The following SPRR2B variants were observed in gnomAD, a reference collection of about 807,000 sequenced individuals.
SPRR2B encodes small proline-rich protein 2B.
SPRR2B carries 1 observed loss-of-function variant against 1.0 expected under a neutral mutation model. That is an observed-to-expected ratio of 1.01 (90% CI 0.36 to 4.77). The LOEUF is 4.77. Among genes scored for constraint, SPRR2B ranks in the 30% most tolerant of loss-of-function variants. The pLI is 0.16. For synonymous variants in SPRR2B, 27 were observed against 33.4 expected, an observed-to-expected ratio of 0.81 and a Z score of 0.66; for missense variants, 53 against 88.7, an observed-to-expected ratio of 0.60 and a Z score of 1.62.
chr1:153,080,794 T>C, the SPRR2B span, among the ~76,000 whole-genome samples: 1 of 152,172 alleles, frequency 6.6e-6, no homozygotes, highest in African/African-American at 2.4e-5. Context: ...CAAAAATTGA[T>C]CTAGTACATT....
chr1:153,086,690 G>A, the SPRR2B span, among the ~76,000 whole-genome samples: 1 of 152,152 alleles, frequency 6.6e-6, no homozygotes, highest in African/African-American at 2.4e-5. Context: ...AAAACTAACA[G>A]TGTTATTCAC....
At chr1:153,081,599 A>G in the SPRR2B span, among the ~76,000 whole-genome samples, 2 of 152,240 alleles carry the variant, frequency 1.3e-5, no homozygotes, top group Non-Finnish European at 2.9e-5. Flanking sequence ...CTATGTGAAG[A>G]TACAAAAATC....
upstream of SPRR2B, among the ~76,000 whole-genome samples, chr1:153,073,695 TCACACACACACA>T (rs4041380): frequency 8.5e-4 from 123 of 144,594 alleles, no homozygotes; most frequent in South Asian, 2.5e-3. Flanking sequence ...GAGGCATACT[TCACACACACACA>T]CACACACACA....
chr1:153,080,710 T>TA, the SPRR2B span, among the ~76,000 whole-genome samples: 4 of 152,010 alleles, frequency 2.6e-5, no homozygotes, highest in African/African-American at 7.2e-5. Flanking sequence ...ATAAACACTA[T>TA]AAAAAAATAC....
At chr1:153,072,135 A>G (rs371456314), upstream of SPRR2B, among the ~76,000 whole-genome samples, 1 of 152,164 alleles carries the variant, frequency 6.6e-6, no homozygotes, top group Non-Finnish European at 1.5e-5. Context: ...CAGTGACCAC[A>G]TTGTGCCATC....
the SPRR2B span, among the ~76,000 whole-genome samples, chr1:153,087,487 A>T: frequency 5.3e-5 from 8 of 152,142 alleles, no homozygotes; most frequent in African/African-American, 1.7e-4. Flanking sequence ...AAAATGATGA[A>T]CTAAGTAGAC....
Position 153,070,713 on chromosome 1 carries a change from G to A in SPRR2B, c.127C>T (p.Gln43Ter), listed in dbSNP as rs532387439. The change falls in exon 2 of 2, where the codon CAG (glutamine) becomes TAG (stop). Residue 43 changes from glutamine to a stop codon, truncating the protein, a stop_gained. Transcript: ENST00000368755. LOFTEE classifies it low-confidence loss of function (END_TRUNC). ...PEPCPPPKCP[Q>*]PCPPQQCQQK... ...TGGCACTGCTGAGGTGGGCAGGGCT[G>A]TGGACACTTTGGTGGTGGGCAGGGC... The A allele has an allele frequency of 1.7e-4, 267 of 1,610,322 alleles. No homozygotes were observed. Among genetic ancestry groups the A allele is most frequent in the Non-Finnish European group, 2.1e-4 (245 of 1,179,124 alleles).
At chr1:153,084,417 T>A in the SPRR2B span, among the ~76,000 whole-genome samples, 4 of 152,226 alleles carry the variant, frequency 2.6e-5, no homozygotes, top group African/African-American at 7.2e-5. Flanking sequence ...AACACTGCCA[T>A]GGGAGTGAAA....
At chr1:153,084,725 A>G in the SPRR2B span, among the ~76,000 whole-genome samples, 2 of 152,140 alleles carry the variant, frequency 1.3e-5, no homozygotes, top group Non-Finnish European at 2.9e-5. Flanking sequence ...CATACAAACA[A>G]GAATGGACCC....
At chr1:153,073,370 T>C (rs1654711024), upstream of SPRR2B, among the ~76,000 whole-genome samples, 1 of 152,180 alleles carries the variant, frequency 6.6e-6, no homozygotes, top group African/African-American at 2.4e-5. Context: ...TTTTCTGCCA[T>C]GCAAAATTGG....
chr1:153,085,880 A>T, the SPRR2B span, among the ~76,000 whole-genome samples: 1 of 152,216 alleles, frequency 6.6e-6, no homozygotes, highest in Non-Finnish European at 1.5e-5. Context: ...CCAATATACA[A>T]CATTCTTAGA....
rs748423915 is a variant in SPRR2B at position 153,070,299 on chromosome 1, G to C, written c.*322C>G. The C allele has an allele frequency of 1.3e-4, 65 of 483,372 alleles. No individual in the cohort carries two copies. The highest frequency in any genetic ancestry group is 2.1e-4 in the Non-Finnish European group (59 of 278,248). 29.9% of individuals were successfully genotyped at this position (483,372 alleles called of 1,614,324 possible). ...CACAGGTGGTAGAAGCTCATGCCCA[G>C]GTGAAAGACAGACACAGAACACATC... On this transcript the variant is annotated 3_prime_UTR_variant, in exon 2 of 2. Coordinates refer to ENST00000368755, the MANE Select transcript of SPRR2B (RefSeq NM_001388198.1).
chr1:153,086,576 T>C, the SPRR2B span, among the ~76,000 whole-genome samples: 1 of 152,150 alleles, frequency 6.6e-6, no homozygotes, highest in Non-Finnish European at 1.5e-5. Flanking sequence ...CCAGTAATTA[T>C]AGTGGGAGAC....
At position 153,070,413 on chromosome 1, in the gene SPRR2B, C is replaced by T; in HGVS notation, c.*208G>A. 2.0e-6 allele frequency: 2 copies of T among 977,266 alleles called. No homozygotes were observed. Among genetic ancestry groups the T allele is most frequent in the Non-Finnish European group, 1.5e-6 (1 of 680,264 alleles). 60.5% of individuals were successfully genotyped at this position (977,266 alleles called of 1,614,324 possible). ...CTGACAAAGCCAAGGTTCCTTTGCT[C>T]AGTCTCCACCTGGACAGTGGCAGTA... On this transcript the variant is annotated 3_prime_UTR_variant, in exon 2 of 2. Transcript: ENST00000368755.
chr1:153,085,881 C>T, the SPRR2B span, among the ~76,000 whole-genome samples: 1 of 152,190 alleles, frequency 6.6e-6, no homozygotes, highest in African/African-American at 2.4e-5. Context: ...CAATATACAA[C>T]ATTCTTAGAG....
At chr1:153,078,318 G>A in the SPRR2B span, among the ~76,000 whole-genome samples, 2 of 152,170 alleles carry the variant, frequency 1.3e-5, no homozygotes, top group Non-Finnish European at 2.9e-5. Flanking sequence ...ACTGTTATAA[G>A]AGACTACAAA....
chr1:153,086,338 C>T, the SPRR2B span, among the ~76,000 whole-genome samples: 2 of 152,062 alleles, frequency 1.3e-5, no homozygotes, highest in Non-Finnish European at 2.9e-5. Context: ...GAAAAATCCA[C>T]CAAACAAATG....
At chr1:153,084,339 T>G in the SPRR2B span, among the ~76,000 whole-genome samples, 1 of 152,148 alleles carries the variant, frequency 6.6e-6, no homozygotes, top group Non-Finnish European at 1.5e-5. Flanking sequence ...TCCTTCTCCC[T>G]GGTGATGGCC....
At chr1:153,079,599 C>T in the SPRR2B span, among the ~76,000 whole-genome samples, 1 of 151,970 alleles carries the variant, frequency 6.6e-6, no homozygotes. Flanking sequence ...CCAGTTTTCC[C>T]AGCACCATTT....
Sources: allele counts gnomAD v4.1 joint callset (sites outside exome capture counted in the v4.1 genomes callset), GRCh38; gene constraint gnomAD v4.1.1; transcripts MANE v1.5; gene names NCBI Gene and HGNC (gene_info 2026-07-23, HGNC 2026-07-21).